Variants in CAMK4 observed in about 807,000 individuals in gnomAD.
The protein encoded by CAMK4 is calcium/calmodulin-dependent protein kinase type IV.
Under a neutral mutation model 44.9 loss-of-function variants are expected in CAMK4, and 22 were observed. The ratio of observed to expected loss-of-function variants is 0.49; its 90% CI spans 0.35 to 0.70. CAMK4 has a LOEUF of 0.70. Among genes scored for constraint, CAMK4 ranks in the 30% least tolerant of loss-of-function variants. The probability of loss-of-function intolerance (pLI) is 0.01; values close to 1 mark genes in which losing one functional copy is unlikely to be tolerated. For missense variants in CAMK4, 498 were observed against 586.8 expected (o/e 0.85, Z 1.56); for synonymous variants, 218 against 215.4 (o/e 1.01, Z -0.11).
At position 111,270,355 on chromosome 5, in the gene CAMK4, T is replaced by C. The variant is rs571467180; in HGVS notation, c.161+45711T>C. Among the ~76,000 whole-genome samples, 74 of 152,274 alleles carry C rather than the reference T, an allele frequency of 4.9e-4. No homozygotes were observed. In the Middle Eastern group the frequency reaches 0.014, roughly 28 times the overall value. On this transcript the variant is annotated intron_variant, in intron 1 of 10. Transcript: ENST00000282356. ...ATTCACCATCACTCCCTCTCACACA[T>C]TCAACAACTAAGCACCTAGGTCACA...
rs1749646513 is a variant in CAMK4, at chr5:111,341,560, T to C, written c.162-2464T>C. ...ATCCTTTTTTAAAAAAAAGTAAATATAAAAATAAAATTACACTAGGAATAC... is the reference window on the plus strand; with the variant it reads ...ATCCTTTTTTAAAAAAAAGTAAATACAAAAATAAAATTACACTAGGAATAC... On this transcript the variant is annotated intron_variant, in intron 1 of 10. Transcript: ENST00000282356. Among the ~76,000 whole-genome samples, 3 of 151,200 alleles carry C rather than the reference T, an allele frequency of 2.0e-5. No homozygotes were observed. In the South Asian group the frequency reaches 6.2e-4, roughly 31 times the overall value.
chr5:111,483,205 C>T (rs1755492074), intron 10 of CAMK4, among the ~76,000 whole-genome samples: 1 of 152,106 alleles, frequency 6.6e-6, no homozygotes, highest in Non-Finnish European at 1.5e-5. Context: ...TGCTGCTTCT[C>T]ATCTAATTAA....
intron 2 of CAMK4, among the ~76,000 whole-genome samples, chr5:111,363,410 G>A (rs306071): frequency 0.91 from 138,529 of 152,146 alleles, 63,168 homozygotes; most frequent in East Asian, 1. Context: ...CATTTAACAA[G>A]TTATTAAATG....
intron 2 of CAMK4, among the ~76,000 whole-genome samples, chr5:111,369,743 T>C (rs2112812659): frequency 6.6e-6 from 1 of 152,310 alleles, no homozygotes; most frequent in Non-Finnish European, 1.5e-5. Flanking sequence ...TACTATAAAA[T>C]GGCATAGTAT....
chr5:111,231,577 T>C (rs1449735817), intron 1 of CAMK4, among the ~76,000 whole-genome samples: 5 of 152,232 alleles, frequency 3.3e-5, no homozygotes, highest in African/African-American at 1.2e-4. Context: ...AGGAGATTGA[T>C]AGATTATGTT....
intron 1 of CAMK4, among the ~76,000 whole-genome samples, chr5:111,325,170 G>A (rs1333717773): frequency 6.6e-6 from 1 of 151,836 alleles, no homozygotes; most frequent in African/African-American, 2.4e-5. Context: ...CCCTGCAAAG[G>A]ACATGAAGTC....
intron 2 of CAMK4, among the ~76,000 whole-genome samples, chr5:111,356,097 G>T (rs1225864312): frequency 1.5e-5 from 2 of 131,748 alleles, no homozygotes; most frequent in African/African-American, 5.7e-5. Flanking sequence ...CACAATGGTT[G>T]AACTAGTTTA....
chr5:111,473,127 A>G (rs1006768088), intron 7 of CAMK4, among the ~76,000 whole-genome samples, 184 bp from the exon 8 acceptor site: 1 of 152,184 alleles, frequency 6.6e-6, no homozygotes, highest in Non-Finnish European at 1.5e-5. Flanking sequence ...CAGATAGACT[A>G]TAATCTCTCC....
At chr5:111,365,432 A>G (rs1043960611) in intron 2 of CAMK4, among the ~76,000 whole-genome samples, 1 of 152,128 alleles carries the variant, frequency 6.6e-6, no homozygotes, top group Non-Finnish European at 1.5e-5. Context: ...TGAACCATCC[A>G]TGTGAAAGTT....
chr5:111,240,732 G>A (rs1174861580), intron 1 of CAMK4, among the ~76,000 whole-genome samples: 1 of 152,050 alleles, frequency 6.6e-6, no homozygotes, highest in Non-Finnish European at 1.5e-5. Flanking sequence ...AAGGAGGAGG[G>A]ATTACAAATG....
chr5:111,436,774 T>A (rs542125201), intron 5 of CAMK4, among the ~76,000 whole-genome samples: 1 of 152,318 alleles, frequency 6.6e-6, no homozygotes, highest in East Asian at 1.9e-4. Context: ...TTTAATACAC[T>A]GACCAGTACA....
At chr5:111,366,555 A>G (rs577678777) in intron 2 of CAMK4, among the ~76,000 whole-genome samples, 2 of 152,180 alleles carry the variant, frequency 1.3e-5, no homozygotes, top group African/African-American at 4.8e-5. Flanking sequence ...TTAAGCCATC[A>G]TTGCTTTTTT....
chr5:111,302,417 G>A (rs985156211), intron 1 of CAMK4: 3 of 148,488 alleles, frequency 2.0e-5, no homozygotes, highest in African/African-American at 7.8e-5. Context: ...GCAGGGCGAG[G>A]CATTGCCTCA....
intron 5 of CAMK4, among the ~76,000 whole-genome samples, chr5:111,429,525 G>A (rs1753354504): frequency 6.6e-6 from 1 of 151,950 alleles, no homozygotes; most frequent in African/African-American, 2.4e-5. Context: ...CCAGTACTTT[G>A]AGAGGCCCAG....
At chr5:111,425,621 G>A (rs1753199460) in intron 5 of CAMK4, among the ~76,000 whole-genome samples, 1 of 152,178 alleles carries the variant, frequency 6.6e-6, no homozygotes, top group Non-Finnish European at 1.5e-5. Flanking sequence ...AAAGCTAAAA[G>A]GAATTAGCAT....
At chr5:111,317,448 C>G (rs1748473016) in intron 1 of CAMK4, among the ~76,000 whole-genome samples, 1 of 152,224 alleles carries the variant, frequency 6.6e-6, no homozygotes, top group African/African-American at 2.4e-5. Context: ...ATAAGCAATA[C>G]TCATTCGTTC....
chr5:111,293,025 G>A (rs1367865149), intron 1 of CAMK4, among the ~76,000 whole-genome samples: 1 of 152,188 alleles, frequency 6.6e-6, no homozygotes, highest in Non-Finnish European at 1.5e-5. Context: ...CAGGCTTCCT[G>A]TATTTGAGAT....
chr5:111,309,129 G>C (rs1049647673), intron 1 of CAMK4, among the ~76,000 whole-genome samples: 4 of 152,158 alleles, frequency 2.6e-5, no homozygotes, highest in African/African-American at 9.7e-5. Context: ...GTGTCACAAG[G>C]CTCTGCTAGC....
intron 1 of CAMK4, among the ~76,000 whole-genome samples, chr5:111,259,312 A>C (rs1469813626): frequency 6.6e-6 from 1 of 152,228 alleles, no homozygotes; most frequent in Non-Finnish European, 1.5e-5. Context: ...TGGAAAATGA[A>C]TTTTCAATAA....
Sources: allele counts gnomAD v4.1 joint callset (sites outside exome capture counted in the v4.1 genomes callset), GRCh38; gene constraint gnomAD v4.1.1; transcripts MANE v1.5; gene names NCBI Gene and HGNC (gene_info 2026-07-23, HGNC 2026-07-21).